The following INTS8 variants were observed in gnomAD, a reference collection of about 807,000 sequenced individuals.
INTS8 encodes the protein protein kaonashi-1.
INTS8 carries 47 observed loss-of-function variants against 138.9 expected under a neutral mutation model. The ratio of observed to expected loss-of-function variants is 0.34; its 90% CI spans 0.27 to 0.43. INTS8 has a LOEUF of 0.43. Ranked by LOEUF, INTS8 falls within the 20% of genes least tolerant of loss-of-function variation. The pLI is 1.00. For missense variants in INTS8, 996 were observed against 1,173.0 expected (o/e 0.85, Z 2.20); for synonymous variants, 392 against 400.9 (o/e 0.98, Z 0.27).
intron 6 of INTS8, among the ~76,000 whole-genome samples, chr8:94,833,219 G>T (rs886398179): frequency 2.0e-5 from 3 of 151,984 alleles, no homozygotes; most frequent in East Asian, 1.9e-4. Context: ...TCTGGAAAGG[G>T]GTAAAAATAG....
chr8:94,836,661 T>A (rs764543634), intron 7 of INTS8, 30 bp downstream of exon 7: 1 of 1,332,086 alleles, frequency 7.5e-7, no homozygotes, highest in East Asian at 2.3e-5. Flanking sequence ...GAACTTAATG[T>A]TCAGTTCTTT....
intron 15 of INTS8, among the ~76,000 whole-genome samples, chr8:94,858,586 C>G (rs1342659465): frequency 6.6e-6 from 1 of 152,204 alleles, no homozygotes; most frequent in Non-Finnish European, 1.5e-5. Flanking sequence ...AGGCATTGTT[C>G]TAAGCTTCAG....
At chr8:94,861,779 G>C (rs954819130) in intron 16 of INTS8, among the ~76,000 whole-genome samples, 1 of 145,690 alleles carries the variant, frequency 6.9e-6, no homozygotes, top group East Asian at 2.1e-4. Context: ...CTGAACTCCC[G>C]ACCTCAGGTG....
intron 16 of INTS8, among the ~76,000 whole-genome samples, chr8:94,863,438 G>C (rs1414320420): frequency 6.6e-6 from 1 of 152,194 alleles, no homozygotes; most frequent in African/African-American, 2.4e-5. Flanking sequence ...TCTTTTCTCT[G>C]TAAATGAGTA....
intron 16 of INTS8, among the ~76,000 whole-genome samples, chr8:94,862,225 A>G (rs991453951): frequency 6.6e-6 from 1 of 152,188 alleles, no homozygotes; most frequent in Admixed American, 6.5e-5. Flanking sequence ...TACAGGCATA[A>G]GCCACCGTGC....
chr8:94,855,741 G>A (rs1195036296), intron 14 of INTS8, among the ~76,000 whole-genome samples: 2 of 152,124 alleles, frequency 1.3e-5, no homozygotes, highest in Non-Finnish European at 2.9e-5. Flanking sequence ...TATTTAGGAG[G>A]TAAAATCTGG....
chr8:94,849,800 A>G, intron 11 of INTS8, 116 bp from the exon 12 acceptor site: 1 of 711,628 alleles, frequency 1.4e-6, no homozygotes, highest in Non-Finnish European at 2.3e-6. Context: ...AAATATCATT[A>G]TACAGTTTAT....
intron 2 of INTS8, among the ~76,000 whole-genome samples, chr8:94,826,370 C>T (rs1339267488): frequency 6.6e-6 from 1 of 152,194 alleles, no homozygotes; most frequent in East Asian, 1.9e-4. Flanking sequence ...CAAGCTCCGC[C>T]TCCTGGGTTG....
intron 10 of INTS8, among the ~76,000 whole-genome samples, chr8:94,845,116 G>T (rs376491711): frequency 6.6e-6 from 1 of 151,936 alleles, no homozygotes; most frequent in Non-Finnish European, 1.5e-5. Context: ...ATTTTTTTCC[G>T]TTGTAGTGAT....
At chr8:94,873,640 T>C in intron 22 of INTS8, 163 bp downstream of exon 22, 1 of 584,488 alleles carries the variant, frequency 1.7e-6, no homozygotes, top group South Asian at 2.1e-5. Context: ...TCCTTATTTC[T>C]AGCACCTATT....
intron 13 of INTS8, among the ~76,000 whole-genome samples, chr8:94,852,647 G>T (rs1269286242): frequency 1.3e-5 from 2 of 151,510 alleles, no homozygotes; most frequent in Non-Finnish European, 2.9e-5. Context: ...GGAGTGCAAT[G>T]GTGCGATCTT....
At chr8:94,880,059 T>C in intron 26 of INTS8, 59 bp from the exon 27 acceptor site, 2 of 1,162,246 alleles carry the variant, frequency 1.7e-6, no homozygotes, top group Non-Finnish European at 2.5e-6. Flanking sequence ...ATATTACTTG[T>C]ACCAACAAAA....
At position 94,827,723 on chromosome 8, in the gene INTS8, G is replaced by T. The variant is rs775894659; in HGVS notation, c.448G>T (p.Ala150Ser). 5.0e-6 allele frequency: 8 copies of T among 1,613,274 alleles called. No individual in the cohort carries two copies. The South Asian group carries it at 6.6e-5, about 13-fold the overall frequency. Residue 150 changes from alanine (A) to serine (S), a missense_variant and splice_region_variant, in exon 4 of 27, where the codon GCA becomes TCA. By Grantham distance (99) the Ala-to-Ser change is moderately conservative. Coordinates refer to ENST00000523731, the MANE Select transcript of INTS8 (RefSeq NM_017864.4). ...AMAVLLYNRWAIRTIVQSSFP... is the reference protein window; with the variant it reads ...AMAVLLYNRWSIRTIVQSSFP... ...TTCTTTTTCCTGTCTTTTCTTCAGG[G>T]CAATTAGGACAATTGTTCAAAGTAG...
At position 94,823,317 on chromosome 8, in the gene INTS8, G is replaced by T. The variant is rs914547244; in HGVS notation, c.-115G>T. On this transcript the variant is annotated 5_prime_UTR_variant, in exon 1 of 27. Transcript: ENST00000523731. ...TTTGGATTGTGTGAGTTTCCGGGAC[G>T]TTCGGAGGGTGGCCTCTCTCCCACC... 3.9e-6 allele frequency: 6 copies of T among 1,519,448 alleles called. No homozygotes were observed. Among genetic ancestry groups the T allele is most frequent in the African/African-American group, 1.4e-5 (1 of 72,642 alleles). The allele number at this position is 1,519,448 out of a possible 1,614,324, so 94.1% of individuals were successfully genotyped here. A position where few individuals can be genotyped will look rare whatever the true frequency, so the allele number is the denominator to read the frequency against.
At position 94,865,694 on chromosome 8, in the gene INTS8, TGTATTG is replaced by T; in HGVS notation, c.2261+8_2261+13del. The T allele has an allele frequency of 6.2e-7, 1 of 1,612,074 alleles. No homozygotes were observed. Among genetic ancestry groups the T allele is most frequent in the Non-Finnish European group, 8.5e-7 (1 of 1,178,280 alleles). The stretch of plus-strand genomic sequence containing the variant: ...CTACGTTAGGTATCATGTATCGGTA[TGTATTG>T]GTACGTTTCTATTAGTTGTGTTTGA... On this transcript the variant is annotated splice_donor_5th_base_variant and intron_variant, in intron 17 of 26. Transcript: ENST00000523731.
At chr8:94,875,997 ATAAGAG>A in intron 23 of INTS8, 71 bp from the exon 24 acceptor site, 1 of 922,580 alleles carries the variant, frequency 1.1e-6, no homozygotes, top group Non-Finnish European at 1.8e-6. Context: ...AAGGCTTAAT[ATAAGAG>A]TAATTCAAGA....
At chr8:94,873,200 T>C (rs994761354) in intron 21 of INTS8, among the ~76,000 whole-genome samples, 174 bp from the exon 22 acceptor site, 7 of 152,242 alleles carry the variant, frequency 4.6e-5, no homozygotes, top group Admixed American at 2.6e-4. Context: ...AATCTCCAGA[T>C]ACTAAATTCT....
intron 5 of INTS8, among the ~76,000 whole-genome samples, chr8:94,830,860 C>T (rs111249896): frequency 0.016 from 2,357 of 151,672 alleles, 60 homozygotes; most frequent in African/African-American, 0.054. Context: ...TGCAATGGTG[C>T]GATCTCAGCT....
chr8:94,874,614 A>G lies in INTS8; in HGVS notation c.2688+12A>G. The G allele has an allele frequency of 6.7e-7, 1 of 1,496,996 alleles. No individual in the cohort carries two copies. The highest frequency in any genetic ancestry group is 9.3e-7 in the Non-Finnish European group (1 of 1,075,540). The allele number at this position is 1,496,996 out of a possible 1,614,324, so 92.7% of individuals were successfully genotyped here. A position where few individuals can be genotyped will look rare whatever the true frequency, so the allele number is the denominator to read the frequency against. ...ATTGCCACACACAGGTTAGTTTATA[A>G]TATTATGAAGTTGTTTTATTTTTAC... On this transcript the variant is annotated intron_variant, in intron 23 of 26. Coordinates refer to ENST00000523731, the MANE Select transcript of INTS8 (RefSeq NM_017864.4).
Sources: allele counts gnomAD v4.1 joint callset (sites outside exome capture counted in the v4.1 genomes callset), GRCh38; gene constraint gnomAD v4.1.1; transcripts MANE v1.5; gene names NCBI Gene and HGNC (gene_info 2026-07-23, HGNC 2026-07-21).